CALN1: variants seen among roughly 807,000 people sequenced by gnomAD.
CALN1 encodes the protein calneuron 1, also known as calcium-binding protein 8.
CALN1 carries 17 observed loss-of-function variants against 30.6 expected under a neutral mutation model. That is an observed-to-expected ratio of 0.56 (90% confidence interval 0.38 to 0.83). The LOEUF is 0.83. CALN1 is among the 40% of genes least tolerant of loss of function. The probability of loss-of-function intolerance (pLI) is 0.00; values close to 1 mark genes in which losing one functional copy is unlikely to be tolerated. For missense variants in CALN1, 291 were observed against 354.9 expected, an observed-to-expected ratio of 0.82 and a Z score of 1.45; for synonymous variants, 156 against 131.4, an observed-to-expected ratio of 1.19 and a Z score of -1.28.
intron 4 of CALN1, among the ~76,000 whole-genome samples, chr7:72,088,510 C>A (rs541975758): frequency 1.3e-5 from 2 of 151,986 alleles, no homozygotes; most frequent in African/African-American, 2.4e-5. Flanking sequence ...ACCAGCCTGG[C>A]CAACATGTTG....
chr7:71,992,771 C>T (rs796750126), intron 5 of CALN1, among the ~76,000 whole-genome samples: 16 of 152,270 alleles, frequency 1.1e-4, no homozygotes, highest in African/African-American at 3.1e-4. Flanking sequence ...ATCATATTTT[C>T]GAGACCAGCC....
intron 5 of CALN1, among the ~76,000 whole-genome samples, chr7:71,917,901 TTTTA>T (rs1218971795): frequency 2.4e-4 from 37 of 152,322 alleles, no homozygotes; most frequent in African/African-American, 8.2e-4. Context: ...TATGCACAAT[TTTTA>T]TTTGTTAACT....
chr7:72,123,697 T>A (rs6957052), intron 3 of CALN1, among the ~76,000 whole-genome samples: 4 of 151,976 alleles, frequency 2.6e-5, no homozygotes, highest in African/African-American at 4.8e-5. Context: ...TGTTCTCTGC[T>A]GCATTATTTT....
At chr7:72,261,346 T>A (rs1796260155) in intron 3 of CALN1, among the ~76,000 whole-genome samples, 1 of 151,118 alleles carries the variant, frequency 6.6e-6, no homozygotes, top group African/African-American at 2.4e-5. Flanking sequence ...AAAAAATCTA[T>A]CCGTACACAT....
intron 2 of CALN1, among the ~76,000 whole-genome samples, chr7:72,302,049 A>AG (rs1799302786): frequency 6.6e-6 from 1 of 152,194 alleles, no homozygotes; most frequent in African/African-American, 2.4e-5. Context: ...TAAAAAAAAA[A>AG]CAGTCTGAGA....
intron 5 of CALN1, among the ~76,000 whole-genome samples, chr7:71,884,209 G>A (rs963229904): frequency 4.6e-5 from 7 of 152,084 alleles, no homozygotes; most frequent in African/African-American, 1.4e-4. Flanking sequence ...CACTGTGCCC[G>A]GCCATATCAG....
At chr7:71,791,654 C>G (rs990086178) in intron 6 of CALN1, among the ~76,000 whole-genome samples, 1 of 152,146 alleles carries the variant, frequency 6.6e-6, no homozygotes, top group Admixed American at 6.5e-5. Context: ...ACGCCTGTGA[C>G]ACGAGTTTAC....
chr7:71,960,135 AAATAAATAAATAAATAAAT>A (rs1797165814), intron 5 of CALN1, among the ~76,000 whole-genome samples: 1 of 960 alleles, frequency 1.0e-3, no homozygotes, highest in Admixed American at 0.015. Context: ...TCCATCTCAA[AAATAAATAAATAAATAAAT>A]AAATAAATAA....
intron 4 of CALN1, among the ~76,000 whole-genome samples, chr7:72,045,511 C>T (rs1051694071): frequency 1.8e-4 from 27 of 152,254 alleles, no homozygotes; most frequent in Middle Eastern, 3.4e-3. Context: ...CAGCTCCCTC[C>T]ACAGGCTCTC....
chr7:72,435,669 C>T (rs1454717595), intron 1 of CALN1, among the ~76,000 whole-genome samples: 4 of 152,220 alleles, frequency 2.6e-5, no homozygotes, highest in Non-Finnish European at 5.9e-5. Flanking sequence ...CAGGAGCCAA[C>T]CCTCAGCCTC....
At chr7:72,036,287 CT>C (rs1418428778) in intron 4 of CALN1, among the ~76,000 whole-genome samples, 1 of 152,182 alleles carries the variant, frequency 6.6e-6, no homozygotes, top group African/African-American at 2.4e-5. Flanking sequence ...TTGTCTTTGT[CT>C]TTTGAAAGCT....
At chr7:72,473,877 C>T in the CALN1 span, among the ~76,000 whole-genome samples, 1 of 148,818 alleles carries the variant, frequency 6.7e-6, no homozygotes, top group Non-Finnish European at 1.5e-5. Flanking sequence ...TGCAGTGAGC[C>T]GAGATCACAC....
intron 2 of CALN1, among the ~76,000 whole-genome samples, chr7:72,353,783 G>A (rs1015119202): frequency 5.3e-5 from 8 of 152,160 alleles, no homozygotes; most frequent in Non-Finnish European, 8.8e-5. Context: ...AAAGCAACAT[G>A]ATTGTGTAAA....
chr7:71,938,532 C>T (rs1035167823), intron 5 of CALN1, among the ~76,000 whole-genome samples: 8 of 152,056 alleles, frequency 5.3e-5, no homozygotes, highest in African/African-American at 1.7e-4. Flanking sequence ...CACGGTGGCT[C>T]ATGCCTGTAA....
At chr7:72,476,578 A>G in the CALN1 span, among the ~76,000 whole-genome samples, 1 of 152,152 alleles carries the variant, frequency 6.6e-6, no homozygotes, top group Non-Finnish European at 1.5e-5. Flanking sequence ...GTGGAATTCT[A>G]CTAGACATAC....
intron 2 of CALN1, among the ~76,000 whole-genome samples, chr7:72,301,481 G>A (rs1206906347): frequency 6.6e-6 from 1 of 151,932 alleles, no homozygotes; most frequent in Non-Finnish European, 1.5e-5. Flanking sequence ...GGTGGCGCAT[G>A]CCTGTAGTCC....
chr7:71,872,548 T>G (rs1791996262), intron 5 of CALN1, among the ~76,000 whole-genome samples: 1 of 152,210 alleles, frequency 6.6e-6, no homozygotes, highest in Non-Finnish European at 1.5e-5. Flanking sequence ...GTCTACTAAA[T>G]GACTGTTTAT....
At chr7:71,812,929 C>CATCATCATTATTATTATTATTATTATT (rs1287091997) in intron 5 of CALN1, among the ~76,000 whole-genome samples, 2 of 136,506 alleles carry the variant, frequency 1.5e-5, no homozygotes, top group Non-Finnish European at 1.5e-5. Flanking sequence ...TCATCATCAT[C>CATCATCATTATTATTATTATTATTATT]ATTATTATTA....
At chr7:72,170,965 G>A (rs562951470) in intron 3 of CALN1, among the ~76,000 whole-genome samples, 3 of 152,174 alleles carry the variant, frequency 2.0e-5, no homozygotes, top group Admixed American at 6.5e-5. Flanking sequence ...TAAGACCAGC[G>A]TGGGCAACAT....
Sources: allele counts gnomAD v4.1 joint callset (sites outside exome capture counted in the v4.1 genomes callset), GRCh38; gene constraint gnomAD v4.1.1; transcripts MANE v1.5; gene names NCBI Gene and HGNC (gene_info 2026-07-23, HGNC 2026-07-21).